Variants in CPPED1 observed in about 807,000 individuals in gnomAD.
The protein encoded by CPPED1 is serine/threonine-protein phosphatase CPPED1.
CPPED1 carries 28 observed loss-of-function variants against 28.0 expected under a neutral mutation model. That is an observed-to-expected ratio of 1.00 (90% CI 0.74 to 1.37). CPPED1 has a LOEUF of 1.37. Among genes scored for constraint, CPPED1 ranks in the 40% most tolerant of loss-of-function variants. The pLI, the probability that CPPED1 is intolerant of heterozygous loss-of-function variation, is 0.00. For synonymous variants in CPPED1, 198 were observed against 180.2 expected, an observed-to-expected ratio of 1.10 and a Z score of -0.79; for missense variants, 504 against 416.5, an observed-to-expected ratio of 1.21 and a Z score of -1.83.
chr16:12,669,648 G>T (rs1425342058), intron 3 of CPPED1, among the ~76,000 whole-genome samples: 1 of 152,110 alleles, frequency 6.6e-6, no homozygotes, highest in African/African-American at 2.4e-5. Context: ...TATATACATA[G>T]GCCAGTACAT....
intron 2 of CPPED1, among the ~76,000 whole-genome samples, chr16:12,713,023 G>C (rs1442685942): frequency 6.6e-6 from 1 of 152,062 alleles, no homozygotes; most frequent in Non-Finnish European, 1.5e-5. Flanking sequence ...AAGGCCAATT[G>C]TGTAAGTACT....
intron 1 of CPPED1, among the ~76,000 whole-genome samples, chr16:12,790,569 C>G (rs2141244176): frequency 6.6e-6 from 1 of 152,248 alleles, no homozygotes; most frequent in South Asian, 2.1e-4. Context: ...TATGCAACCT[C>G]AAATAATTCA....
chr16:12,799,174 G>A (rs1407400221), intron 1 of CPPED1, among the ~76,000 whole-genome samples: 1 of 152,104 alleles, frequency 6.6e-6, no homozygotes, highest in Non-Finnish European at 1.5e-5. Flanking sequence ...GTGATTTTTA[G>A]GGACTGTTGC....
At chr16:12,731,588 A>G (rs2080197904) in intron 2 of CPPED1, among the ~76,000 whole-genome samples, 1 of 151,946 alleles carries the variant, frequency 6.6e-6, no homozygotes, top group South Asian at 2.1e-4. Flanking sequence ...GGAATCTGAG[A>G]GCCAAAAAGA....
At chr16:12,722,849 T>C (rs1405542983) in intron 2 of CPPED1, among the ~76,000 whole-genome samples, 2 of 152,180 alleles carry the variant, frequency 1.3e-5, no homozygotes, top group African/African-American at 4.8e-5. Context: ...GGTGGTGCAG[T>C]AAGATGCAGG....
chr16:12,674,208 TG>T (rs1423503380), intron 3 of CPPED1, among the ~76,000 whole-genome samples: 2 of 152,002 alleles, frequency 1.3e-5, no homozygotes, highest in Non-Finnish European at 2.9e-5. Context: ...GCAATGACTA[TG>T]TGATGAGTTT....
At chr16:12,689,217 CTTTT>C (rs869107040) in intron 3 of CPPED1, among the ~76,000 whole-genome samples, 9 of 83,596 alleles carry the variant, frequency 1.1e-4, no homozygotes, top group East Asian at 4.1e-4. Context: ...GAAAAGAGGG[CTTTT>C]TTTTTTTTTT....
intron 1 of CPPED1, among the ~76,000 whole-genome samples, chr16:12,787,580 T>C (rs952890871): frequency 6.6e-6 from 1 of 152,068 alleles, no homozygotes; most frequent in African/African-American, 2.4e-5. Flanking sequence ...CTCATTTTTG[T>C]ATTTTTAGTA....
At chr16:12,728,645 G>C (rs2141203542) in intron 2 of CPPED1, among the ~76,000 whole-genome samples, 1 of 152,324 alleles carries the variant, frequency 6.6e-6, no homozygotes, top group East Asian at 1.9e-4. Flanking sequence ...AACCTTCCTA[G>C]CCTGTTACTC....
chr16:12,702,756 G>A (rs2080027048), intron 3 of CPPED1, among the ~76,000 whole-genome samples: 1 of 151,492 alleles, frequency 6.6e-6, no homozygotes, highest in Non-Finnish European at 1.5e-5. Flanking sequence ...CCAGCACTTT[G>A]GGAGGCCGAG....
rs77745281 is a variant in CPPED1, at chr16:12,792,951, G to A, written c.70+10756C>T. On this transcript the variant is annotated intron_variant, in intron 1 of 3. Coordinates refer to ENST00000381774, the MANE Select transcript of CPPED1 (RefSeq NM_018340.3). ...TAGTACACTTCCCCTCCTCTTTCTG[G>A]TATACGCTCTCCATTCCACCAACTC... 1.0e-3 allele frequency among the ~76,000 whole-genome samples: 156 copies of A among 151,984 alleles called. 1 individual carries two copies. In the East Asian group the frequency reaches 0.024, roughly 23 times the overall value.
chr16:12,675,439 C>T (rs1267637565), intron 3 of CPPED1, among the ~76,000 whole-genome samples: 2 of 152,184 alleles, frequency 1.3e-5, no homozygotes, highest in Non-Finnish European at 2.9e-5. Flanking sequence ...TCCACGGTAT[C>T]AAGTCATGAA....
intron 2 of CPPED1, chr16:12,780,835 G>T (rs1051706559): frequency 2.0e-5 from 4 of 195,348 alleles, no homozygotes; most frequent in African/African-American, 2.3e-5. Flanking sequence ...AAGAAGAAAG[G>T]AAATGAGGAG....
rs2079786627 is a variant in CPPED1 at position 12,660,280 on chromosome 16, A to G, written c.*4606T>C. The G allele has an allele frequency of 6.6e-6, 1 of 152,252 alleles. No homozygotes were observed. Among genetic ancestry groups the G allele is most frequent in the African/African-American group, 2.4e-5 (1 of 41,464 alleles). The allele number at this position is 152,252 out of a possible 1,614,324, so 9.4% of individuals were successfully genotyped here. A position where few individuals can be genotyped will look rare whatever the true frequency, so the allele number is the denominator to read the frequency against. On this transcript the variant is annotated 3_prime_UTR_variant, in exon 4 of 4. Coordinates refer to ENST00000381774, the MANE Select transcript of CPPED1 (RefSeq NM_018340.3). The stretch of plus-strand genomic sequence containing the variant: ...TAGTGAAGAAATCTACTTCTCAAAC[A>G]TAATGGTCAGAATAATGAAGGGTAA...
intron 2 of CPPED1, among the ~76,000 whole-genome samples, chr16:12,758,378 G>T (rs1343280252): frequency 1.3e-5 from 2 of 152,274 alleles, no homozygotes; most frequent in African/African-American, 4.8e-5. Context: ...AAGCCTGTAT[G>T]TTTTGAGCGC....
chr16:12,750,799 T>C (rs1295869244), intron 2 of CPPED1, among the ~76,000 whole-genome samples: 3 of 151,982 alleles, frequency 2.0e-5, no homozygotes, highest in Non-Finnish European at 4.4e-5. Flanking sequence ...GGTGAAATCC[T>C]GTCTCTACTA....
chr16:12,679,173 T>A (rs1452737008), intron 3 of CPPED1, among the ~76,000 whole-genome samples: 1 of 152,208 alleles, frequency 6.6e-6, no homozygotes, highest in Non-Finnish European at 1.5e-5. Context: ...AACTTCTGAG[T>A]AACTGCTATC....
chr16:12,671,628 C>T (rs1444680154), intron 3 of CPPED1, among the ~76,000 whole-genome samples: 3 of 152,180 alleles, frequency 2.0e-5, no homozygotes, highest in Non-Finnish European at 4.4e-5. Flanking sequence ...AAGACAGCCA[C>T]AGGTGGAGAG....
At chr16:12,721,991 C>T (rs979830478) in intron 2 of CPPED1, among the ~76,000 whole-genome samples, 19 of 151,224 alleles carry the variant, frequency 1.3e-4, no homozygotes, top group Middle Eastern at 3.4e-3. Context: ...TTTTTTTTTC[C>T]CAGCAAGAAC....
Sources: gnomAD v4.1 joint callset for allele counts (sites outside exome capture counted in the v4.1 genomes callset) on GRCh38, gnomAD v4.1.1 for gene constraint, MANE v1.5 for transcripts, NCBI Gene and HGNC (gene_info 2026-07-23, HGNC 2026-07-21) for gene names.